TENM4: variants seen among roughly 807,000 people sequenced by gnomAD.
TENM4 encodes teneurin transmembrane protein 4, also known as teneurin-4.
Under a neutral mutation model 243.3 loss-of-function variants are expected in TENM4, and 82 were observed. The ratio of observed to expected loss-of-function variants is 0.34; its 90% confidence interval spans 0.28 to 0.40. TENM4 has a LOEUF of 0.40. Among genes scored for constraint, TENM4 ranks in the 10% least tolerant of loss-of-function variants. The pLI, the probability that TENM4 is intolerant of heterozygous loss-of-function variation, is 1.00. For missense variants in TENM4, 3,138 were observed against 3,673.3 expected, an observed-to-expected ratio of 0.85 and a Z score of 3.77; for synonymous variants, 1,412 against 1,456.3, an observed-to-expected ratio of 0.97 and a Z score of 0.69.
intron 1 of TENM4, among the ~76,000 whole-genome samples, chr11:79,378,497 G>A (rs536328713): frequency 8.3e-4 from 126 of 152,272 alleles, no homozygotes; most frequent in Non-Finnish European, 1.1e-3. Context: ...CTGGAATCCC[G>A]GTCCAGACTG....
intron 1 of TENM4, among the ~76,000 whole-genome samples, chr11:79,376,198 G>A (rs577682990): frequency 1.3e-5 from 2 of 152,210 alleles, no homozygotes; most frequent in Non-Finnish European, 2.9e-5. Context: ...GCAGAGACTT[G>A]CAGAAGCTGT....
At chr11:78,872,127 A>G (rs1859147571) in intron 9 of TENM4, among the ~76,000 whole-genome samples, 1 of 152,218 alleles carries the variant, frequency 6.6e-6, no homozygotes, top group African/African-American at 2.4e-5. Context: ...ACCGTTCAAC[A>G]TAGCAGTGCC....
At chr11:79,367,651 A>G (rs1857702355) in intron 1 of TENM4, among the ~76,000 whole-genome samples, 1 of 152,220 alleles carries the variant, frequency 6.6e-6, no homozygotes, top group African/African-American at 2.4e-5. Flanking sequence ...GAAATAACTG[A>G]CTTATGCTAA....
At chr11:79,219,008 T>C (rs976912461) in intron 2 of TENM4, among the ~76,000 whole-genome samples, 2 of 152,164 alleles carry the variant, frequency 1.3e-5, no homozygotes, top group Admixed American at 6.5e-5. Flanking sequence ...AAACAAGACA[T>C]AGCCACGGAG....
At chr11:79,330,727 G>A (rs954596518) in intron 1 of TENM4, among the ~76,000 whole-genome samples, 4 of 152,174 alleles carry the variant, frequency 2.6e-5, no homozygotes, top group Non-Finnish European at 4.4e-5. Context: ...TATCCCTCCT[G>A]GCAGATGAGG....
chr11:78,815,205 G>A (rs1009881417), intron 12 of TENM4, among the ~76,000 whole-genome samples: 2 of 152,102 alleles, frequency 1.3e-5, no homozygotes, highest in African/African-American at 2.4e-5. Flanking sequence ...GGCCAACATG[G>A]TGAATCCCCA....
At chr11:79,374,083 G>A (rs1368971493) in intron 1 of TENM4, among the ~76,000 whole-genome samples, 1 of 152,068 alleles carries the variant, frequency 6.6e-6, no homozygotes, top group East Asian at 1.9e-4. Flanking sequence ...AAGAGGACAT[G>A]ACAATTTTCA....
At chr11:78,721,597 A>C (rs1203019980) in intron 24 of TENM4, among the ~76,000 whole-genome samples, 1 of 152,190 alleles carries the variant, frequency 6.6e-6, no homozygotes, top group African/African-American at 2.4e-5. Flanking sequence ...TAAATTCCCT[A>C]AGCCTCCATC....
intron 2 of TENM4, among the ~76,000 whole-genome samples, chr11:79,232,305 C>A (rs1364335116): frequency 6.6e-6 from 1 of 152,096 alleles, no homozygotes; most frequent in Non-Finnish European, 1.5e-5. Context: ...GCTAGCAGGA[C>A]GCATGAAGAA....
intron 2 of TENM4, among the ~76,000 whole-genome samples, chr11:79,252,751 A>G (rs1352658596): frequency 1.3e-5 from 2 of 152,136 alleles, no homozygotes; most frequent in Non-Finnish European, 2.9e-5. Context: ...TGCCATGAAA[A>G]GAATGTGCCC....
At chr11:79,290,900 C>G (rs1856344561) in intron 2 of TENM4, among the ~76,000 whole-genome samples, 1 of 152,164 alleles carries the variant, frequency 6.6e-6, no homozygotes, top group Admixed American at 6.5e-5. Context: ...GCTGGCACAT[C>G]CTGCTCATTT....
intron 2 of TENM4, among the ~76,000 whole-genome samples, chr11:79,219,641 A>G (rs1240420957): frequency 1.3e-5 from 2 of 152,212 alleles, no homozygotes; most frequent in Non-Finnish European, 2.9e-5. Flanking sequence ...CAAGGGAGAC[A>G]AGATCCAAAC....
intron 1 of TENM4, among the ~76,000 whole-genome samples, chr11:79,365,402 A>T (rs1219765529): frequency 6.6e-6 from 1 of 152,180 alleles, no homozygotes; most frequent in African/African-American, 2.4e-5. Flanking sequence ...TGATTCCAGG[A>T]TCTTTTAATT....
chr11:79,267,535 T>G (rs934223967), intron 2 of TENM4, among the ~76,000 whole-genome samples: 4 of 152,210 alleles, frequency 2.6e-5, no homozygotes, highest in African/African-American at 9.6e-5. Flanking sequence ...GGCTTTAAAT[T>G]TGAAATCTCC....
chr11:79,007,937 C>T (rs2136736419), intron 6 of TENM4, among the ~76,000 whole-genome samples: 1 of 152,262 alleles, frequency 6.6e-6, no homozygotes, highest in Non-Finnish European at 1.5e-5. Context: ...CCAGGCATCA[C>T]TTAGCAATGC....
intron 1 of TENM4, among the ~76,000 whole-genome samples, chr11:79,411,490 A>G (rs951932): frequency 0.34 from 51,909 of 152,138 alleles, 9,107 homozygotes; most frequent in African/African-American, 0.42. Context: ...AGCAAGAATC[A>G]GGACTAGGTC....
chr11:79,284,274 G>A (rs952989761), intron 2 of TENM4, among the ~76,000 whole-genome samples: 2 of 152,128 alleles, frequency 1.3e-5, no homozygotes, highest in Non-Finnish European at 2.9e-5. Context: ...GAAGAACAAC[G>A]TTGGAGGAAC....
At chr11:79,073,840 G>GA (rs1292862849) in intron 4 of TENM4, among the ~76,000 whole-genome samples, 7 of 152,138 alleles carry the variant, frequency 4.6e-5, no homozygotes, top group African/African-American at 7.2e-5. Context: ...ATTATCATCA[G>GA]AAAAAACAAA....
At chr11:78,952,611 A>T (rs1473279615) in intron 6 of TENM4, among the ~76,000 whole-genome samples, 1 of 152,182 alleles carries the variant, frequency 6.6e-6, no homozygotes, top group Non-Finnish European at 1.5e-5. Context: ...CTCCACTTCC[A>T]TTTTTGCTCC....
Sources: allele counts gnomAD v4.1 joint callset (sites outside exome capture counted in the v4.1 genomes callset), GRCh38; gene constraint gnomAD v4.1.1; transcripts MANE v1.5; gene names NCBI Gene and HGNC (gene_info 2026-07-23, HGNC 2026-07-21).